The following PCDHA1 variants were observed in gnomAD, a reference collection of about 807,000 sequenced individuals.
PCDHA1 encodes the protein protocadherin alpha 1.
A neutral mutation model predicts 61.3 loss-of-function variants in PCDHA1; 42 were observed. The ratio of observed to expected loss-of-function variants is 0.69; its 90% CI spans 0.54 to 0.89. PCDHA1 has a LOEUF of 0.89. Among genes scored for constraint, PCDHA1 ranks in the 40% least tolerant of loss-of-function variants. PCDHA1 has a pLI of 0.00. For missense variants in PCDHA1, 1,256 were observed against 1,235.3 expected, an observed-to-expected ratio of 1.02 and a Z score of -0.25; for synonymous variants, 610 against 553.8, an observed-to-expected ratio of 1.10 and a Z score of -1.43.
chr5:140,878,139 T>G, intron 1 of PCDHA1: 1 of 191,254 alleles, frequency 5.2e-6, no homozygotes, highest in South Asian at 1.6e-4. Flanking sequence ...AGTGGCCAGA[T>G]GTTTGATAAC....
At chr5:140,976,424 G>A (rs2096715736) in intron 1 of PCDHA1, among the ~76,000 whole-genome samples, 1 of 152,114 alleles carries the variant, frequency 6.6e-6, no homozygotes, top group Non-Finnish European at 1.5e-5. Flanking sequence ...GGTGGCAGAT[G>A]CCTGTAATCC....
chr5:140,956,497 A>G (rs2095288493), intron 1 of PCDHA1, among the ~76,000 whole-genome samples: 2 of 152,190 alleles, frequency 1.3e-5, no homozygotes, highest in Admixed American at 1.3e-4. Flanking sequence ...CCAGGGATGA[A>G]GCCTACTTGA....
At chr5:140,873,867 G>A (rs2054538446) in intron 1 of PCDHA1, among the ~76,000 whole-genome samples, 1 of 152,098 alleles carries the variant, frequency 6.6e-6, no homozygotes, top group Non-Finnish European at 1.5e-5. Flanking sequence ...CACCATGTTG[G>A]CCAGGCTGGT....
intron 1 of PCDHA1, among the ~76,000 whole-genome samples, chr5:140,890,162 A>G (rs1433054233): frequency 6.6e-6 from 1 of 152,184 alleles, no homozygotes; most frequent in Non-Finnish European, 1.5e-5. Context: ...TATTTCTGCC[A>G]CAGAAATAGG....
chr5:140,889,205 A>G (rs573455914), intron 1 of PCDHA1, among the ~76,000 whole-genome samples: 1 of 151,946 alleles, frequency 6.6e-6, no homozygotes, highest in East Asian at 2.0e-4. Context: ...TGAATACTTA[A>G]CAAAGAAGAA....
chr5:140,889,029 G>A (rs540289378), intron 1 of PCDHA1, among the ~76,000 whole-genome samples: 8 of 151,946 alleles, frequency 5.3e-5, no homozygotes, highest in African/African-American at 1.2e-4. Flanking sequence ...TTGGATAACC[G>A]TAATTTGATT....
intron 1 of PCDHA1, chr5:140,821,874 G>A (rs199540221): frequency 2.2e-5 from 35 of 1,614,080 alleles, no homozygotes; most frequent in African/African-American, 4.0e-5. Context: ...TCCACTACTC[G>A]ATCCCGGAGG....
intron 3 of PCDHA1, among the ~76,000 whole-genome samples, chr5:140,996,686 T>G (rs1447702915): frequency 2.6e-5 from 4 of 152,214 alleles, no homozygotes; most frequent in Non-Finnish European, 5.9e-5. Flanking sequence ...TGGGCTAGTA[T>G]TCTTCTGAAC....
In PCDHA1 at chr5:140,786,590, G is replaced by A; in HGVS notation, c.300G>A (p.Ala100=). 6.2e-7 allele frequency: 1 copy of A among 1,614,266 alleles called. No individual in the cohort carries two copies. Among genetic ancestry groups the A allele is most frequent in the Non-Finnish European group, 8.5e-7 (1 of 1,180,054 alleles). ...GCGAGGAGCTGTGCCAGTGGAGCGCGGAGTGCAGCATCCACCTGGAGTTGA... is the reference window on the plus strand; with the variant it reads ...GCGAGGAGCTGTGCCAGTGGAGCGCAGAGTGCAGCATCCACCTGGAGTTGA... ...IDREELCQWS[A]ECSIHLELIA... is the part of the protein sequence containing the mutation. Residue 100 remains alanine, a synonymous_variant, in exon 1 of 4, where the codon GCG becomes GCA. Coordinates refer to ENST00000504120, the MANE Select transcript of PCDHA1 (RefSeq NM_018900.4).
chr5:140,864,096 T>A (rs1459291547), intron 1 of PCDHA1: 1 of 152,388 alleles, frequency 6.6e-6, no homozygotes, highest in South Asian at 2.1e-4. Context: ...TTGATAAGTA[T>A]AATGATAATA....
chr5:141,006,992 A>C (rs1187318452), intron 3 of PCDHA1, among the ~76,000 whole-genome samples: 3 of 152,196 alleles, frequency 2.0e-5, no homozygotes, highest in Non-Finnish European at 2.9e-5. Flanking sequence ...GGCTTAAAAT[A>C]TAAGTCTGCA....
At chr5:140,884,471 G>A (rs2060197778) in intron 1 of PCDHA1, 1 of 1,613,802 alleles carries the variant, frequency 6.2e-7, no homozygotes, top group Non-Finnish European at 8.5e-7. Flanking sequence ...GTGCGCGCCG[G>A]GCAAGCCCAC....
intron 1 of PCDHA1, among the ~76,000 whole-genome samples, chr5:140,838,045 T>G (rs1554136763): frequency 1.3e-5 from 2 of 150,866 alleles, no homozygotes; most frequent in African/African-American, 2.4e-5. Flanking sequence ...TTTCTGCACT[T>G]TTTGGTTTTC....
chr5:140,969,261 T>G (rs2153777840), intron 1 of PCDHA1: 1 of 1,614,180 alleles, frequency 6.2e-7, no homozygotes, highest in South Asian at 1.1e-5. Flanking sequence ...AGCAGGAATC[T>G]CACAGGCCAA....
intron 1 of PCDHA1, among the ~76,000 whole-genome samples, chr5:140,945,406 G>A (rs992531626): frequency 2.0e-4 from 30 of 151,882 alleles, no homozygotes; most frequent in East Asian, 1.2e-3. Flanking sequence ...AATACAATTC[G>A]TATCAAAATT....
intron 1 of PCDHA1, among the ~76,000 whole-genome samples, chr5:140,956,457 G>T (rs1197742299): frequency 2.0e-5 from 3 of 152,184 alleles, no homozygotes; most frequent in African/African-American, 7.2e-5. Flanking sequence ...TACATTTATT[G>T]ATTTGCATAT....
At chr5:140,857,386 C>A in intron 1 of PCDHA1, 2 of 1,598,422 alleles carry the variant, frequency 1.3e-6, no homozygotes, top group Non-Finnish European at 1.7e-6. Flanking sequence ...AGGTGGCCGA[C>A]GTGAACGACA....
At chr5:140,828,560 G>T in intron 1 of PCDHA1, 1 of 1,614,210 alleles carries the variant, frequency 6.2e-7, no homozygotes, top group Non-Finnish European at 8.5e-7. Context: ...ACTGGAGGGC[G>T]CGTCCGATGC....
At chr5:140,909,866 A>G (rs1203006388) in intron 1 of PCDHA1, among the ~76,000 whole-genome samples, 2 of 152,212 alleles carry the variant, frequency 1.3e-5, no homozygotes, top group African/African-American at 2.4e-5. Context: ...CCTGGAGTCA[A>G]CGTCAGCTTA....
Sources: gnomAD v4.1 joint callset for allele counts (sites outside exome capture counted in the v4.1 genomes callset) on GRCh38, gnomAD v4.1.1 for gene constraint, MANE v1.5 for transcripts, NCBI Gene and HGNC (gene_info 2026-07-23, HGNC 2026-07-21) for gene names.